The following GRID1 variants were observed in gnomAD, a reference collection of about 807,000 sequenced individuals.
GRID1 encodes glutamate receptor ionotropic, delta-1.
Under a neutral mutation model 98.0 loss-of-function variants are expected in GRID1, and 28 were observed. That is an observed-to-expected ratio of 0.29 (90% CI 0.21 to 0.39). GRID1 has a LOEUF of 0.39. GRID1 is among the 10% of genes least tolerant of loss of function. The pLI is 1.00. For synonymous variants in GRID1, 553 were observed against 538.5 expected (o/e 1.03, Z -0.37); for missense variants, 1,111 against 1,340.5 (o/e 0.83, Z 2.67).
At chr10:85,754,181 G>C (rs1055608483) in intron 8 of GRID1, among the ~76,000 whole-genome samples, 41 of 152,148 alleles carry the variant, frequency 2.7e-4, no homozygotes, top group African/African-American at 9.9e-4. Context: ...TCAACAGATG[G>C]GGGGAGGGGA....
intron 9 of GRID1, among the ~76,000 whole-genome samples, chr10:85,729,005 C>G (rs1038173138): frequency 6.6e-6 from 1 of 152,160 alleles, no homozygotes; most frequent in African/African-American, 2.4e-5. Flanking sequence ...AAGTCTCTTA[C>G]AAATGCAAAA....
chr10:85,798,875 T>A (rs894415832), intron 8 of GRID1, among the ~76,000 whole-genome samples: 1 of 152,122 alleles, frequency 6.6e-6, no homozygotes, highest in African/African-American at 2.4e-5. Flanking sequence ...CATTAGTCTA[T>A]TTTTGTATTT....
intron 15 of GRID1, among the ~76,000 whole-genome samples, chr10:85,612,097 C>A (rs995710741): frequency 3.9e-5 from 6 of 152,200 alleles, no homozygotes; most frequent in Non-Finnish European, 8.8e-5. Context: ...AGGGAAGAGA[C>A]AGCATAAGGA....
chr10:85,918,057 ATCGCTGGGCTCTAGC>A (rs1242924758), intron 4 of GRID1, among the ~76,000 whole-genome samples: 2 of 152,252 alleles, frequency 1.3e-5, no homozygotes, highest in Non-Finnish European at 2.9e-5. Flanking sequence ...CTCTGAGCGC[ATCGCTGGGCTCTAGC>A]TCACCTCGAT....
intron 8 of GRID1, among the ~76,000 whole-genome samples, chr10:85,767,467 A>G (rs149883617): frequency 3.2e-4 from 49 of 152,352 alleles, no homozygotes; most frequent in African/African-American, 1.2e-3. Flanking sequence ...CATATCTAAT[A>G]TACAAGCAGC....
intron 4 of GRID1, among the ~76,000 whole-genome samples, chr10:86,092,970 A>G (rs1047059476): frequency 1.3e-5 from 2 of 152,242 alleles, no homozygotes; most frequent in African/African-American, 2.4e-5. Flanking sequence ...AAGATAGACA[A>G]TATGATAGGC....
rs1370022597 is a variant in GRID1, at chr10:85,647,359, T to C, written c.2036A>G (p.Tyr679Cys). Reference protein sequence around the residue: ...QDLSKQVEMSYGTVRDSAVYE... With the variant: ...QDLSKQVEMSCGTVRDSAVYE... ...TACAGCAGAATCCCGGACAGTGCCA[T>C]AAGACATTTCCACTTGTTTGGACAG... Residue 679 changes from tyrosine (Y) to cysteine (C), a missense_variant, in exon 13 of 16, where the codon TAT becomes TGT. Around this residue, in one of 3 missense-constraint regions of GRID1, gnomAD observed 762 missense variants for 869.1 expected, o/e 0.88. Transcript: ENST00000327946. The C allele has an allele frequency of 1.2e-6, 2 of 1,614,220 alleles. No homozygotes were observed. Among genetic ancestry groups the C allele is most frequent in the Non-Finnish European group, 1.7e-6 (2 of 1,180,026 alleles).
intron 12 of GRID1, among the ~76,000 whole-genome samples, chr10:85,655,818 A>T (rs893890681): frequency 6.6e-6 from 1 of 151,862 alleles, no homozygotes; most frequent in Non-Finnish European, 1.5e-5. Flanking sequence ...CTTTGTTTTT[A>T]CTCCTATGCA....
intron 4 of GRID1, among the ~76,000 whole-genome samples, chr10:86,025,755 G>A (rs1419611939): frequency 6.6e-6 from 1 of 152,216 alleles, no homozygotes; most frequent in Non-Finnish European, 1.5e-5. Context: ...CTCAGCCAGT[G>A]TGAGACTTCA....
chr10:85,649,507 T>C (rs1843238689), intron 12 of GRID1, among the ~76,000 whole-genome samples: 1 of 152,094 alleles, frequency 6.6e-6, no homozygotes, highest in Non-Finnish European at 1.5e-5. Flanking sequence ...TTCCACATTT[T>C]TAAAATTTTT....
intron 4 of GRID1, among the ~76,000 whole-genome samples, chr10:86,039,666 A>G (rs1019985869): frequency 3.3e-5 from 5 of 152,188 alleles, no homozygotes; most frequent in African/African-American, 1.2e-4. Context: ...GGGATCCCCC[A>G]GCAGTTGACC....
At chr10:85,607,151 A>G (rs962984318) in intron 15 of GRID1, 1 of 152,234 alleles carries the variant, frequency 6.6e-6, no homozygotes, top group Non-Finnish European at 1.5e-5. Context: ...TTGCAGAGAT[A>G]AAGTTCTGTA....
At chr10:85,758,608 C>T (rs1471192892) in intron 8 of GRID1, among the ~76,000 whole-genome samples, 1 of 152,310 alleles carries the variant, frequency 6.6e-6, no homozygotes, top group East Asian at 1.9e-4. Context: ...AGTGTCTCAC[C>T]ATCAGTTCTA....
intron 3 of GRID1, among the ~76,000 whole-genome samples, chr10:86,178,986 T>C (rs963566635): frequency 2.6e-5 from 4 of 152,072 alleles, no homozygotes; most frequent in African/African-American, 9.7e-5. Context: ...CTGGGGCTAA[T>C]AGGAGAGCTG....
intron 12 of GRID1, among the ~76,000 whole-genome samples, chr10:85,713,105 C>T (rs550614213): frequency 6.6e-6 from 1 of 151,260 alleles, no homozygotes; most frequent in South Asian, 2.1e-4. Context: ...AAGACACTAC[C>T]AAAGGTCAAT....
intron 4 of GRID1, among the ~76,000 whole-genome samples, chr10:85,934,820 G>A (rs1400649348): frequency 1.3e-5 from 2 of 152,156 alleles, no homozygotes; most frequent in African/African-American, 2.4e-5. Flanking sequence ...GAGGAGGTGA[G>A]TAGGGACCTC....
intron 2 of GRID1, among the ~76,000 whole-genome samples, chr10:86,355,360 G>A (rs752334939): frequency 2.1e-4 from 32 of 152,266 alleles, no homozygotes; most frequent in Non-Finnish European, 3.1e-4. Flanking sequence ...TGGGCCAGGT[G>A]GAGATGCAGT....
At chr10:86,078,819 T>A (rs962335100) in intron 4 of GRID1, among the ~76,000 whole-genome samples, 4 of 152,198 alleles carry the variant, frequency 2.6e-5, no homozygotes, top group Non-Finnish European at 5.9e-5. Context: ...TCCCTGGGAC[T>A]GTGTTTGCCT....
intron 2 of GRID1, among the ~76,000 whole-genome samples, chr10:86,212,050 T>C (rs919879941): frequency 6.6e-6 from 1 of 152,112 alleles, no homozygotes; most frequent in African/African-American, 2.4e-5. Flanking sequence ...CCTCAGACAT[T>C]GAGGTCACTC....
Sources: gnomAD v4.1 joint callset for allele counts (sites outside exome capture counted in the v4.1 genomes callset) on GRCh38, gnomAD v4.1.1 for gene constraint, gnomAD v4.1.1 regional missense constraint, MANE v1.5 for transcripts, NCBI Gene and HGNC (gene_info 2026-07-23, HGNC 2026-07-21) for gene names.